Variants in DISP1 observed in about 807,000 individuals in gnomAD.
The protein encoded by DISP1 is protein dispatched homolog 1.
In DISP1, 30 loss-of-function variants were observed where a neutral mutation model predicts 37.3. That is an observed-to-expected ratio of 0.80 (90% CI 0.60 to 1.09). The LOEUF (loss-of-function observed/expected upper bound fraction) is 1.09, where lower values mean the gene tolerates loss of function less well. Among genes scored for constraint, DISP1 ranks in the 50% least tolerant of loss-of-function variants. The probability of loss-of-function intolerance (pLI) is 0.00; values close to 1 mark genes in which losing one functional copy is unlikely to be tolerated. For missense variants in DISP1, 1,598 were observed against 1,879.5 expected, an observed-to-expected ratio of 0.85 and a Z score of 2.77; for synonymous variants, 634 against 690.2, an observed-to-expected ratio of 0.92 and a Z score of 1.28.
At chr1:222,991,683 A>G in intron 6 of DISP1, 36 bp downstream of exon 6, 1 of 1,591,560 alleles carries the variant, frequency 6.3e-7, no homozygotes. Context: ...ACTTTTAGAC[A>G]AAACATTGCT....
intron 1 of DISP1, among the ~76,000 whole-genome samples, chr1:222,883,320 A>G (rs1440926218): frequency 1.3e-5 from 2 of 152,156 alleles, no homozygotes; most frequent in Non-Finnish European, 2.9e-5. Flanking sequence ...CAATGTCCAC[A>G]TTTTTCAAAA....
intron 1 of DISP1, among the ~76,000 whole-genome samples, chr1:222,911,402 A>G (rs969039129): frequency 6.6e-6 from 1 of 152,236 alleles, no homozygotes; most frequent in Non-Finnish European, 1.5e-5. Flanking sequence ...TGCTTCAAGT[A>G]TAAAACTGTA....
chr1:222,876,368 G>T (rs1302552913), intron 1 of DISP1, among the ~76,000 whole-genome samples: 1 of 152,118 alleles, frequency 6.6e-6, no homozygotes, highest in Non-Finnish European at 1.5e-5. Flanking sequence ...ACACTTTGGT[G>T]AACAGTTTTG....
chr1:222,950,872 C>T (rs1675172768), intron 3 of DISP1, among the ~76,000 whole-genome samples: 1 of 152,116 alleles, frequency 6.6e-6, no homozygotes, highest in Admixed American at 6.5e-5. Context: ...GTTCTGCATC[C>T]AAAAATAGCA....
chr1:222,873,195 T>G (rs920274879), intron 1 of DISP1, among the ~76,000 whole-genome samples: 3 of 152,168 alleles, frequency 2.0e-5, no homozygotes, highest in Admixed American at 6.5e-5. Flanking sequence ...TACTTCCAAT[T>G]ATGTGGTCAA....
chr1:223,001,961 G>A (rs1380127456), intron 8 of DISP1, among the ~76,000 whole-genome samples: 1 of 152,142 alleles, frequency 6.6e-6, no homozygotes, highest in Non-Finnish European at 1.5e-5. Context: ...CCACAAATTT[G>A]TTTCATATAT....
intron 1 of DISP1, among the ~76,000 whole-genome samples, chr1:222,903,864 C>G (rs903191650): frequency 6.6e-6 from 1 of 152,214 alleles, no homozygotes; most frequent in Non-Finnish European, 1.5e-5. Flanking sequence ...AGAACTACTT[C>G]TGTGCATTAG....
At chr1:222,891,063 G>T (rs1314257988) in intron 1 of DISP1, among the ~76,000 whole-genome samples, 3 of 152,090 alleles carry the variant, frequency 2.0e-5, no homozygotes, top group East Asian at 1.9e-4. Context: ...ATTTGAGGGG[G>T]ACATAATCCA....
At chr1:222,899,474 G>A (rs1671460555) in intron 1 of DISP1, among the ~76,000 whole-genome samples, 1 of 152,160 alleles carries the variant, frequency 6.6e-6, no homozygotes, top group Admixed American at 6.5e-5. Context: ...GCATCAGTTA[G>A]TCAAAATAAA....
At chr1:222,988,630 T>C (rs979234737) in intron 4 of DISP1, among the ~76,000 whole-genome samples, 4 of 151,124 alleles carry the variant, frequency 2.6e-5, no homozygotes, top group African/African-American at 9.7e-5. Flanking sequence ...TCTTTTTTCT[T>C]CCTTCCTTCC....
At chr1:222,879,282 C>G (rs1670145732) in intron 1 of DISP1, among the ~76,000 whole-genome samples, 1 of 152,104 alleles carries the variant, frequency 6.6e-6, no homozygotes, top group Non-Finnish European at 1.5e-5. Context: ...TCCTTTGCCA[C>G]AGAAAATATA....
At chr1:222,894,852 TA>T (rs1671158520) in intron 1 of DISP1, among the ~76,000 whole-genome samples, 1 of 152,232 alleles carries the variant, frequency 6.6e-6, no homozygotes, top group African/African-American at 2.4e-5. Context: ...ATTATTATTT[TA>T]AAACACATAA....
chr1:223,003,896 A>G lies in DISP1; in HGVS notation c.2499A>G (p.Lys833=). The stretch of plus-strand genomic sequence containing the variant: ...CCTGGATTTTGCACTTCTGTCAAAA[A>G]CTGAGAAACCAAACATTCTTTTACC... ...SQAWILHFCQ[K]LRNQTFFYQT... The change falls in exon 9 of 9, where the codon AAA becomes AAG. Residue 833 remains lysine, a synonymous_variant. Transcript: ENST00000675850. The surrounding 1 kb of genome is among the most constrained non-coding windows in gnomAD (Gnocchi z 4.3). The G allele has an allele frequency of 6.2e-7, 1 of 1,614,134 alleles. No individual in the cohort carries two copies. The highest frequency in any genetic ancestry group is 8.5e-7 in the Non-Finnish European group (1 of 1,180,018).
At chr1:222,926,128 G>T (rs369316196) in intron 1 of DISP1, among the ~76,000 whole-genome samples, 1 of 152,016 alleles carries the variant, frequency 6.6e-6, no homozygotes, top group African/African-American at 2.4e-5. Context: ...CCTACATTTT[G>T]TCTCTATGGA....
At chr1:222,843,920 A>G (rs941708573) in intron 1 of DISP1, among the ~76,000 whole-genome samples, 1 of 152,108 alleles carries the variant, frequency 6.6e-6, no homozygotes, top group Non-Finnish European at 1.5e-5. Flanking sequence ...CGCTGAAGAT[A>G]TAGATATATT....
chr1:222,936,747 CA>C (rs1229612956), intron 2 of DISP1, among the ~76,000 whole-genome samples: 24 of 63,710 alleles, frequency 3.8e-4, no homozygotes, highest in Non-Finnish European at 2.8e-5. Flanking sequence ...AATTATATAT[CA>C]TATATATGAT....
intron 1 of DISP1, among the ~76,000 whole-genome samples, chr1:222,836,760 TATACAC>T (rs1294885561): frequency 1.5e-3 from 217 of 148,238 alleles, no homozygotes; most frequent in African/African-American, 5.4e-3. Context: ...TATATATATA[TATACAC>T]ACACACACAC....
intron 3 of DISP1, among the ~76,000 whole-genome samples, chr1:222,967,156 G>A (rs1322463893): frequency 6.6e-6 from 1 of 151,894 alleles, no homozygotes; most frequent in African/African-American, 2.4e-5. Flanking sequence ...ATATATACAT[G>A]TATACATATG....
chr1:223,002,173 AATAAAGT>A (rs1679502852), intron 8 of DISP1, among the ~76,000 whole-genome samples: 2 of 152,160 alleles, frequency 1.3e-5, no homozygotes, highest in African/African-American at 4.8e-5. Flanking sequence ...TTTAATTCAG[AATAAAGT>A]AACCTAAAGG....
Sources: gnomAD v4.1 joint callset for allele counts (sites outside exome capture counted in the v4.1 genomes callset) on GRCh38, gnomAD v4.1.1 for gene constraint, Gnocchi (gnomAD v3.1) non-coding constraint, MANE v1.5 for transcripts, NCBI Gene and HGNC (gene_info 2026-07-23, HGNC 2026-07-21) for gene names.